Variants in KCNMA1 observed in about 807,000 individuals in gnomAD.
KCNMA1 encodes potassium calcium-activated channel subfamily M alpha 1.
Under a neutral mutation model 140.0 loss-of-function variants are expected in KCNMA1, and 29 were observed. The ratio of observed to expected loss-of-function variants is 0.21; its 90% CI spans 0.15 to 0.28. KCNMA1 has a LOEUF of 0.28. KCNMA1 is among the 10% of genes least tolerant of loss of function. The pLI is 1.00. For missense variants in KCNMA1, 880 were observed against 1,602.2 expected, an observed-to-expected ratio of 0.55 and a Z score of 7.70; for synonymous variants, 612 against 611.9, an observed-to-expected ratio of 1.00 and a Z score of 0.00.
chr10:76,922,780 T>C lies in KCNMA1; in HGVS notation c.2903-7731A>G, dbSNP rs191478434. ...CATTCCAGTTATATGTCTCTGTTTT[T>C]ACTTAAGCCTTTTTGCATTGGATTT... On this transcript the variant is annotated intron_variant, in intron 23 of 27. Transcript: ENST00000286628. 5.2e-4 allele frequency among the ~76,000 whole-genome samples: 79 copies of C among 152,356 alleles called. 1 individual carries two copies. The East Asian group carries it at 0.013, about 25-fold the overall frequency.
chr10:77,429,276 C>T (rs938325957), intron 1 of KCNMA1, among the ~76,000 whole-genome samples: 1 of 152,124 alleles, frequency 6.6e-6, no homozygotes, highest in Non-Finnish European at 1.5e-5. Context: ...GTTTCTCAAC[C>T]TCAGCACAAT....
intron 26 of KCNMA1, among the ~76,000 whole-genome samples, chr10:76,889,998 T>C (rs1316367393): frequency 6.6e-6 from 1 of 152,094 alleles, no homozygotes; most frequent in Middle Eastern, 3.2e-3. Flanking sequence ...GTCAAAACTG[T>C]CTGAGTGATA....
intron 5 of KCNMA1, among the ~76,000 whole-genome samples, chr10:77,167,032 T>G (rs545940865): frequency 1.3e-5 from 2 of 152,296 alleles, no homozygotes; most frequent in South Asian, 4.1e-4. Flanking sequence ...TAATGTTAAC[T>G]GGTCACCCTA....
chr10:77,525,502 T>C (rs1237793627), intron 1 of KCNMA1, among the ~76,000 whole-genome samples: 3 of 152,204 alleles, frequency 2.0e-5, no homozygotes, highest in African/African-American at 7.2e-5. Context: ...TTTCCCACCC[T>C]GGGTTCTGGT....
chr10:77,247,975 A>C (rs1159705950), intron 3 of KCNMA1, among the ~76,000 whole-genome samples: 1 of 152,200 alleles, frequency 6.6e-6, no homozygotes, highest in Admixed American at 6.5e-5. Flanking sequence ...CCCTAGGTTC[A>C]TTAAGATCAG....
intron 1 of KCNMA1, among the ~76,000 whole-genome samples, chr10:77,500,540 A>C (rs1200940377): frequency 1.3e-5 from 2 of 152,184 alleles, no homozygotes; most frequent in South Asian, 4.1e-4. Flanking sequence ...ATGGTATCCA[A>C]GCAAGTGAAA....
chr10:76,970,297 G>C, intron 19 of KCNMA1: 9 of 279,350 alleles, frequency 3.2e-5, no homozygotes, highest in Admixed American at 5.6e-5. Context: ...ACTTTAAACA[G>C]ACTAAAACAG....
chr10:77,346,508 G>A (rs1198273536), intron 2 of KCNMA1, among the ~76,000 whole-genome samples: 1 of 152,088 alleles, frequency 6.6e-6, no homozygotes, highest in Non-Finnish European at 1.5e-5. Flanking sequence ...AGTTTATATG[G>A]AAAATTCAGA....
chr10:77,367,415 G>A (rs965433882), intron 2 of KCNMA1, among the ~76,000 whole-genome samples: 2 of 152,162 alleles, frequency 1.3e-5, no homozygotes, highest in African/African-American at 2.4e-5. Flanking sequence ...ATGTTACGAT[G>A]TTTCCTCTGT....
At chr10:77,575,338 G>T (rs775807758) in intron 1 of KCNMA1, among the ~76,000 whole-genome samples, 8 of 152,152 alleles carry the variant, frequency 5.3e-5, no homozygotes, top group Admixed American at 1.3e-4. Context: ...GTTCTCTCAA[G>T]GCACTAGCGA....
At chr10:77,211,083 C>A (rs1456710732) in intron 3 of KCNMA1, among the ~76,000 whole-genome samples, 2 of 152,058 alleles carry the variant, frequency 1.3e-5, no homozygotes, top group African/African-American at 2.4e-5. Flanking sequence ...TCATATGACT[C>A]CATAAAAGAG....
intron 1 of KCNMA1, among the ~76,000 whole-genome samples, chr10:77,435,198 AAAGTGCTGAGATTACAGC>A (rs2097235692): frequency 6.6e-6 from 1 of 152,036 alleles, no homozygotes; most frequent in African/African-American, 2.4e-5. Flanking sequence ...TCAGCCTCCC[AAAGTGCTGAGATTACAGC>A]AATGAGCCAC....
Position 77,060,436 on chromosome 10 carries a change from T to C in KCNMA1, c.1749+12661A>G, listed in dbSNP as rs555993345. On this transcript the variant is annotated intron_variant, in intron 14 of 27. Coordinates refer to ENST00000286628, the MANE Select transcript of KCNMA1 (RefSeq NM_001161352.2). Reference sequence around the variant, plus strand: ...CTCCCTTTTGGAATGGCACTGTCTATAGCCATTATCCTATGGCTGTCCTGC... The same window carrying C: ...CTCCCTTTTGGAATGGCACTGTCTACAGCCATTATCCTATGGCTGTCCTGC... Among the ~76,000 whole-genome samples, 237 of 152,346 alleles carry C rather than the reference T, an allele frequency of 1.6e-3. 1 individual carries two copies. The highest frequency in any genetic ancestry group is 5.4e-3 in the African/African-American group (224 of 41,568).
chr10:77,234,332 C>T (rs1363344464), intron 3 of KCNMA1, among the ~76,000 whole-genome samples: 5 of 152,094 alleles, frequency 3.3e-5, no homozygotes, highest in Non-Finnish European at 7.4e-5. Flanking sequence ...TTTCCATTAC[C>T]AGTTTTATTT....
At position 76,997,043 on chromosome 10, in the gene KCNMA1, C is replaced by T. The variant is rs12264715; in HGVS notation, c.2266+4364G>A. ...CTGCCCTTGTATCTGATTTTATGTA[C>T]TTCAAAATGCCATTAGTTCACTTAA... On this transcript the variant is annotated intron_variant, in intron 19 of 27. Coordinates refer to ENST00000286628, the MANE Select transcript of KCNMA1 (RefSeq NM_001161352.2). Among the ~76,000 whole-genome samples, 708 of 152,238 alleles carry T rather than the reference C, an allele frequency of 4.7e-3. 12 individuals are homozygous for T. The highest frequency in any genetic ancestry group is 0.016 in the African/African-American group (671 of 41,546).
At chr10:77,067,493 C>A (rs952551863) in intron 14 of KCNMA1, among the ~76,000 whole-genome samples, 1 of 152,200 alleles carries the variant, frequency 6.6e-6, no homozygotes, top group Non-Finnish European at 1.5e-5. Flanking sequence ...CTCTCTCTCA[C>A]GCATGTGTGT....
chr10:77,109,492 C>T (rs935582509), intron 8 of KCNMA1, among the ~76,000 whole-genome samples: 1 of 152,146 alleles, frequency 6.6e-6, no homozygotes, highest in Non-Finnish European at 1.5e-5. Context: ...CCTCGATTTA[C>T]ATTAGAAGGG....
At chr10:77,104,959 T>C (rs546033136) in intron 9 of KCNMA1, among the ~76,000 whole-genome samples, 5 of 152,284 alleles carry the variant, frequency 3.3e-5, no homozygotes, top group African/African-American at 1.2e-4. Flanking sequence ...GGAGGCAGGC[T>C]GGGCTGCAGG....
intron 1 of KCNMA1, among the ~76,000 whole-genome samples, chr10:77,607,433 C>T (rs766383328): frequency 6.6e-5 from 10 of 152,086 alleles, no homozygotes; most frequent in South Asian, 2.1e-4. Context: ...TCTGTGACTG[C>T]GACCTTAACT....
Sources: gnomAD v4.1 joint callset for allele counts (sites outside exome capture counted in the v4.1 genomes callset) on GRCh38, gnomAD v4.1.1 for gene constraint, MANE v1.5 for transcripts, NCBI Gene and HGNC (gene_info 2026-07-23, HGNC 2026-07-21) for gene names.